The following ATF1 variants were observed in gnomAD, a reference collection of about 807,000 sequenced individuals.
ATF1 encodes activating transcription factor 1.
ATF1 carries 16 observed loss-of-function variants against 34.7 expected under a neutral mutation model. That is an observed-to-expected ratio of 0.46 (90% CI 0.31 to 0.70). ATF1 has a LOEUF of 0.70. ATF1 is among the 30% of genes least tolerant of loss of function. ATF1 has a pLI of 0.05. For missense variants in ATF1, 255 were observed against 321.6 expected, an observed-to-expected ratio of 0.79 and a Z score of 1.58; for synonymous variants, 105 against 113.1, an observed-to-expected ratio of 0.93 and a Z score of 0.46.
chr12:50,785,311 AC>A (rs1432878504), intron 2 of ATF1, among the ~76,000 whole-genome samples: 1 of 149,462 alleles, frequency 6.7e-6, no homozygotes, highest in African/African-American at 2.5e-5. Context: ...ACACACACAC[AC>A]ACACACACAC....
At chr12:50,808,476 G>A (rs971306392) in intron 3 of ATF1, among the ~76,000 whole-genome samples, 2 of 150,284 alleles carry the variant, frequency 1.3e-5, no homozygotes, top group African/African-American at 4.9e-5. Context: ...TTACAGGCTC[G>A]CACCACCATG....
chr12:50,810,511 A>G (rs896927663), intron 4 of ATF1, among the ~76,000 whole-genome samples: 1 of 152,190 alleles, frequency 6.6e-6, no homozygotes, highest in Non-Finnish European at 1.5e-5. Flanking sequence ...GTGAGCCACC[A>G]CGCCTGGCCC....
rs753469711 is a variant in ATF1 at position 50,809,580 on chromosome 12, G to A, written c.319G>A (p.Gly107Arg). Residue 107 changes from glycine to arginine, a missense_variant, in exon 4 of 7, where the codon GGA becomes AGA. Gly to Arg is a moderately radical substitution (Grantham distance 125, BLOSUM62 -2). This residue lies in a region of ATF1 where 221 missense variants were observed against 250.7 expected (regional missense o/e 0.88). Transcript: ENST00000262053. ...VPTPIYQTSS[G>R]QYIAIAPNGA... is the part of the protein sequence containing the mutation. ...AACTCCCATCTATCAGACTAGCAGC[G>A]GACAGTACAGTATGTATAGGAATCA... is the stretch of plus-strand genomic sequence containing the variant. 37 of 1,612,842 alleles carry A rather than the reference G, an allele frequency of 2.3e-5. No individual in the cohort carries two copies. The highest frequency in any genetic ancestry group is 3.3e-4 in the Middle Eastern group (2 of 6,040).
chr12:50,793,896 G>T (rs1377868955), intron 2 of ATF1, among the ~76,000 whole-genome samples: 1 of 151,990 alleles, frequency 6.6e-6, no homozygotes, highest in Non-Finnish European at 1.5e-5. Flanking sequence ...CTAATGTGGA[G>T]AATTGATTTC....
chr12:50,813,503 T>A (rs1941779016), intron 4 of ATF1, among the ~76,000 whole-genome samples: 1 of 152,252 alleles, frequency 6.6e-6, no homozygotes, highest in Non-Finnish European at 1.5e-5. Flanking sequence ...GTTTCCTTTT[T>A]ATTTTTTCTT....
At chr12:50,797,741 T>G (rs7312423) in intron 3 of ATF1, among the ~76,000 whole-genome samples, 11,316 of 152,154 alleles carry the variant, frequency 0.074, 1,382 homozygotes, top group African/African-American at 0.26. Context: ...AAAGTGTTGC[T>G]ATTACAGGCA....
chr12:50,804,538 C>G lies in ATF1; in HGVS notation c.195-4918C>G, dbSNP rs140350898. 6.1e-4 allele frequency among the ~76,000 whole-genome samples: 93 copies of G among 152,154 alleles called. No individual in the cohort carries two copies. In the Middle Eastern group the frequency reaches 0.014, roughly 22 times the overall value. ...TGTCTCTTCACAAAATTAAAGTTAGCCAGGCGTGGTGATGTGTGCCTCTGG... is the reference window on the plus strand; with the variant it reads ...TGTCTCTTCACAAAATTAAAGTTAGGCAGGCGTGGTGATGTGTGCCTCTGG... On this transcript the variant is annotated intron_variant, in intron 3 of 6. Coordinates refer to ENST00000262053, the MANE Select transcript of ATF1 (RefSeq NM_005171.5).
intron 6 of ATF1, among the ~76,000 whole-genome samples, chr12:50,815,548 G>C (rs556334283): frequency 1.9e-4 from 28 of 144,148 alleles, no homozygotes; most frequent in African/African-American, 2.7e-4. Context: ...ACCACACCCA[G>C]CTAATTTTTT....
At chr12:50,818,933 A>AACTT (rs1592207591) in intron 6 of ATF1, among the ~76,000 whole-genome samples, 1 of 152,232 alleles carries the variant, frequency 6.6e-6, no homozygotes, top group Non-Finnish European at 1.5e-5. Context: ...TATGTATATA[A>AACTT]ACTTACATAT....
At chr12:50,765,997 A>G (rs531410012) in intron 1 of ATF1, among the ~76,000 whole-genome samples, 1 of 152,276 alleles carries the variant, frequency 6.6e-6, no homozygotes, top group African/African-American at 2.4e-5. Flanking sequence ...TTACTTTTAC[A>G]TCGCACTGTG....
intron 2 of ATF1, among the ~76,000 whole-genome samples, chr12:50,781,045 C>T (rs1400516255): frequency 1.3e-5 from 2 of 152,030 alleles, no homozygotes; most frequent in African/African-American, 4.8e-5. Flanking sequence ...AGAAGGTGGA[C>T]TTTAAATATC....
chr12:50,796,053 C>A, intron 3 of ATF1, 44 bp downstream of exon 3: 1 of 1,459,972 alleles, frequency 6.8e-7, no homozygotes, highest in South Asian at 1.2e-5. Context: ...ATGATAGTAC[C>A]AAATGAGTTC....
intron 1 of ATF1, among the ~76,000 whole-genome samples, chr12:50,764,853 A>G (rs1048732511): frequency 6.6e-6 from 1 of 152,374 alleles, no homozygotes; most frequent in African/African-American, 2.4e-5. Context: ...CACGCCCCAG[A>G]CAGTCCTGGA....
intron 2 of ATF1, among the ~76,000 whole-genome samples, chr12:50,787,176 G>A (rs1315648769): frequency 1.3e-5 from 2 of 152,146 alleles, no homozygotes; most frequent in African/African-American, 4.8e-5. Context: ...AGTCTCTAGT[G>A]TCTTACCCAT....
intron 2 of ATF1, among the ~76,000 whole-genome samples, chr12:50,785,456 A>G (rs572814813): frequency 2.0e-5 from 3 of 152,134 alleles, no homozygotes; most frequent in African/African-American, 7.2e-5. Context: ...TTATGTCTGT[A>G]ATATTATCTG....
intron 1 of ATF1, among the ~76,000 whole-genome samples, chr12:50,767,016 T>G (rs1237311039): frequency 6.6e-6 from 1 of 152,096 alleles, no homozygotes; most frequent in African/African-American, 2.4e-5. Context: ...ATCACACGTA[T>G]TTTGCTCTGG....
At chr12:50,767,766 A>G (rs1940674585) in intron 1 of ATF1, among the ~76,000 whole-genome samples, 1 of 152,180 alleles carries the variant, frequency 6.6e-6, no homozygotes, top group Non-Finnish European at 1.5e-5. Flanking sequence ...AATAATATTA[A>G]ATAGTTAAAA....
chr12:50,819,609 ATT>A (rs930546496), intron 6 of ATF1, 24 bp from the exon 7 acceptor site: 1 of 1,603,232 alleles, frequency 6.2e-7, no homozygotes, highest in Admixed American at 1.7e-5. Context: ...TTTTTCTAAC[ATT>A]GTTTTTTTAA....
intron 3 of ATF1, among the ~76,000 whole-genome samples, chr12:50,797,984 C>G (rs1052166228): frequency 6.6e-6 from 1 of 151,804 alleles, no homozygotes; most frequent in Admixed American, 6.6e-5. Flanking sequence ...TCGAAACGAG[C>G]CTGGCCAACA....
Sources: allele counts gnomAD v4.1 joint callset (sites outside exome capture counted in the v4.1 genomes callset), GRCh38; gene constraint gnomAD v4.1.1; regional missense constraint gnomAD v4.1.1; transcripts MANE v1.5; gene names NCBI Gene and HGNC (gene_info 2026-07-23, HGNC 2026-07-21).